Variants in RNF17 observed in about 807,000 individuals in gnomAD.
The protein encoded by RNF17 is ring finger protein 17.
A neutral mutation model predicts 200.5 loss-of-function variants in RNF17; 31 were observed. That is an observed-to-expected ratio of 0.15 (90% confidence interval 0.12 to 0.21). RNF17 has a LOEUF of 0.21. RNF17 is among the 10% of genes least tolerant of loss of function. The pLI, the probability that RNF17 is intolerant of heterozygous loss-of-function variation, is 1.00. For synonymous variants in RNF17, 606 were observed against 637.8 expected (o/e 0.95, Z 0.75); for missense variants, 1,628 against 1,905.1 (o/e 0.85, Z 2.71).
chr13:24,855,918 C>T (rs1403370649), intron 25 of RNF17, among the ~76,000 whole-genome samples: 4 of 151,850 alleles, frequency 2.6e-5, no homozygotes. Flanking sequence ...TCCATGTCTT[C>T]GCTCACTTTC....
In RNF17 at chr13:24,847,741, C is replaced by T. The variant is rs528517286; in HGVS notation, c.3102-2600C>T. 1.5e-4 allele frequency among the ~76,000 whole-genome samples: 23 copies of T among 152,168 alleles called. No homozygotes were observed. The South Asian group carries it at 4.6e-3, about 30-fold the overall frequency. Reference sequence around the variant, plus strand: ...GATAGGATACCTTCTTCTTAATGACCCATTTCTCTAATCTTACAGGCACCT... The same window carrying T: ...GATAGGATACCTTCTTCTTAATGACTCATTTCTCTAATCTTACAGGCACCT... On this transcript the variant is annotated intron_variant, in intron 22 of 35. Coordinates refer to ENST00000255324, the MANE Select transcript of RNF17 (RefSeq NM_031277.3).
chr13:24,764,168 C>A, upstream of RNF17: 1 of 1,549,186 alleles, frequency 6.5e-7, no homozygotes, highest in Non-Finnish European at 8.8e-7. Context: ...CGCCGGGACT[C>A]GCACTCGGCG....
chr13:24,842,102 GACT>G lies in RNF17; in HGVS notation c.2552_2554del (p.Thr851del). ...TCGATTCTCTTGGTGCTCCTGAAAT[GACT>G]ACTACTAGTATTAATGACCAGCTAG... On this transcript the variant is annotated inframe_deletion, in exon 19 of 36. Transcript: ENST00000255324. 1 of 1,610,170 alleles carries G rather than the reference GACT, an allele frequency of 6.2e-7. No individual in the cohort carries two copies. The highest frequency in any genetic ancestry group is 1.3e-5 in the African/African-American group (1 of 74,908).
intron 18 of RNF17, among the ~76,000 whole-genome samples, chr13:24,836,003 G>A (rs903576603): frequency 2.4e-4 from 37 of 152,154 alleles, no homozygotes; most frequent in African/African-American, 7.5e-4. Context: ...TTAGAAATGC[G>A]AAATGTTCTG....
Position 24,831,904 on chromosome 13 carries a change from T to G in RNF17, c.2408T>G (p.Met803Arg), listed in dbSNP as rs747922100. 1.9e-6 allele frequency: 3 copies of G among 1,609,994 alleles called. No individual in the cohort carries two copies. In the Admixed American group the frequency reaches 5.0e-5, roughly 27 times the overall value. ...TATATTGAACCATATAAAAGGACAA[T>G]GCAGTGGTCCAAAGAAGCTAAAGAA... ...LAYIEPYKRT[M>R]QWSKEAKEKF... Residue 803 changes from methionine to arginine, a missense_variant, in exon 18 of 36, where the codon ATG becomes AGG. Met to Arg is a moderately conservative substitution (Grantham distance 91). Around this residue, in one of 5 missense-constraint regions of RNF17, gnomAD observed 227 missense variants for 319.8 expected, o/e 0.71. Coordinates refer to ENST00000255324, the MANE Select transcript of RNF17 (RefSeq NM_031277.3).
At chr13:24,792,553 A>G (rs147828369) in intron 9 of RNF17, among the ~76,000 whole-genome samples, 255 of 152,314 alleles carry the variant, frequency 1.7e-3, no homozygotes, top group African/African-American at 5.7e-3. Context: ...TTGTTATGAA[A>G]AGAGACATTT....
rs60054136 is a variant in RNF17, at chr13:24,815,428, GGTGTGTGTGTGTGTGT to G, written c.2092-10160_2092-10145del. On this transcript the variant is annotated intron_variant, in intron 15 of 35. Coordinates refer to ENST00000255324, the MANE Select transcript of RNF17 (RefSeq NM_031277.3). ...TGAATTAATTTGGTAGCCCTAACGG[GGTGTGTGTGTGTGTGT>G]GTGTGTGTGTGTGTGTGTGTGTGTG... Among the ~76,000 whole-genome samples, 166 of 144,124 alleles carry G rather than the reference GGTGTGTGTGTGTGTGT, an allele frequency of 1.2e-3. 1 individual carries two copies. The highest frequency in any genetic ancestry group is 3.1e-3 in the African/African-American group (119 of 38,560). The allele number at this position is 144,124 out of a possible 152,430, so 94.6% of individuals were successfully genotyped here. A position where few individuals can be genotyped will look rare whatever the true frequency, so the allele number is the denominator to read the frequency against.
At chr13:24,879,453 C>G (rs1895214953) in intron 35 of RNF17, among the ~76,000 whole-genome samples, 158 bp downstream of exon 35, 1 of 152,174 alleles carries the variant, frequency 6.6e-6, no homozygotes, top group East Asian at 1.9e-4. Flanking sequence ...CTATTCAGCA[C>G]TAGTATCAAA....
intron 6 of RNF17, among the ~76,000 whole-genome samples, chr13:24,782,691 A>G (rs1272106122): frequency 2.0e-5 from 3 of 152,186 alleles, no homozygotes; most frequent in African/African-American, 7.2e-5. Context: ...AAAAAAATCA[A>G]CCAGGCATTG....
chr13:24,749,934 T>C, the RNF17 span, among the ~76,000 whole-genome samples: 1 of 152,152 alleles, frequency 6.6e-6, no homozygotes, highest in African/African-American at 2.4e-5. Flanking sequence ...GTATTTTTAG[T>C]AGAGACGGAG....
At chr13:24,880,860 C>T (rs71431715), downstream of RNF17, among the ~76,000 whole-genome samples, 21,737 of 152,118 alleles carry the variant, frequency 0.14, 2,049 homozygotes, top group Admixed American at 0.26. Context: ...CACTTGGTGT[C>T]GCCAGACTTT....
intron 2 of RNF17, among the ~76,000 whole-genome samples, chr13:24,768,309 GAGT>G (rs1398128809): frequency 1.4e-5 from 2 of 141,878 alleles, no homozygotes; most frequent in Non-Finnish European, 3.0e-5. Context: ...TTTTGAGACG[GAGT>G]CTCACTGTGT....
At chr13:24,842,248 C>A in intron 19 of RNF17, 87 bp downstream of exon 19, 1 of 1,200,706 alleles carries the variant, frequency 8.3e-7, no homozygotes, top group Non-Finnish European at 1.2e-6. Context: ...TATCATTCCC[C>A]ATTGGAGATG....
intron 22 of RNF17, among the ~76,000 whole-genome samples, chr13:24,848,984 G>GTTGAT (rs919003058): frequency 2.0e-5 from 3 of 152,126 alleles, no homozygotes; most frequent in African/African-American, 7.2e-5. Context: ...TATGTGCCCA[G>GTTGAT]TTGATTTGGT....
chr13:24,774,362 A>AC (rs1881253988), intron 2 of RNF17, among the ~76,000 whole-genome samples: 1 of 152,280 alleles, frequency 6.6e-6, no homozygotes, highest in African/African-American at 2.4e-5. Flanking sequence ...GGCGCCTGCC[A>AC]CCATGCCTGG....
chr13:24,765,371 A>C (rs562468601), intron 1 of RNF17, among the ~76,000 whole-genome samples: 1 of 152,268 alleles, frequency 6.6e-6, no homozygotes, highest in Admixed American at 6.5e-5. Flanking sequence ...AATACAGCTG[A>C]GTTGTTGAAT....
chr13:24,870,652 G>A lies in RNF17; in HGVS notation c.4360G>A (p.Glu1454Lys), dbSNP rs746144175. Reference sequence around the variant, plus strand: ...CACAGATGATAGTGGAGTCAGCGGGGAATCAGAATCCGAGAGCCTTGATGA... The same window carrying A: ...CACAGATGATAGTGGAGTCAGCGGGAAATCAGAATCCGAGAGCCTTGATGA... ...SDTDDSGVSGESESESLDEAL... is the reference protein window; with the variant it reads ...SDTDDSGVSGKSESESLDEAL... Residue 1454 changes from glutamate (E) to lysine (K), a missense_variant, in exon 32 of 36, where the codon GAA becomes AAA. Coordinates refer to ENST00000255324, the MANE Select transcript of RNF17 (RefSeq NM_031277.3). The A allele has an allele frequency of 1.2e-6, 2 of 1,614,122 alleles. No individual in the cohort carries two copies. Among genetic ancestry groups the A allele is most frequent in the South Asian group, 1.1e-5 (1 of 91,082 alleles).
chr13:24,777,789 A>T (rs1982333), intron 3 of RNF17, among the ~76,000 whole-genome samples: 149,643 of 152,336 alleles, frequency 0.98, 73,537 homozygotes, highest in Middle Eastern at 1. Context: ...GGAATTTTTT[A>T]AAATTAAAAT....
chr13:24,851,543 A>C lies in RNF17; in HGVS notation c.3292A>C (p.Lys1098Gln). Residue 1098 changes from lysine (K) to glutamine (Q), a missense_variant, in exon 24 of 36, where the codon AAA (lysine) becomes CAA (glutamine). Physicochemically the swap from Lys to Gln is moderately conservative, Grantham distance 53. Around this residue, in one of 5 missense-constraint regions of RNF17, gnomAD observed 609 missense variants for 681.9 expected, o/e 0.89. Coordinates refer to ENST00000255324, the MANE Select transcript of RNF17 (RefSeq NM_031277.3). ...ERVDVSKYLI[K>Q]KGLALRERRI... The stretch of plus-strand genomic sequence containing the variant: ...TGTTGATGTTTCTAAATATTTGATT[A>C]AAAAGGGTTTGGCTTTGAGAGAAAG... 2 of 1,612,354 alleles carry C rather than the reference A, an allele frequency of 1.2e-6. No homozygotes were observed. Among genetic ancestry groups the C allele is most frequent in the Non-Finnish European group, 1.7e-6 (2 of 1,179,426 alleles).
Sources: gnomAD v4.1 joint callset for allele counts (sites outside exome capture counted in the v4.1 genomes callset) on GRCh38, gnomAD v4.1.1 for gene constraint, gnomAD v4.1.1 regional missense constraint, MANE v1.5 for transcripts, NCBI Gene and HGNC (gene_info 2026-07-23, HGNC 2026-07-21) for gene names.